Variants in MIGA1 observed in about 807,000 individuals in gnomAD.
MIGA1 encodes mitoguardin 1.
Under a neutral mutation model 82.0 loss-of-function variants are expected in MIGA1, and 58 were observed. The ratio of observed to expected loss-of-function variants is 0.71; its 90% CI spans 0.57 to 0.88. The LOEUF (loss-of-function observed/expected upper bound fraction) is 0.88. Ranked by LOEUF, MIGA1 falls within the 40% of genes least tolerant of loss-of-function variation. MIGA1 has a pLI of 0.00. For missense variants in MIGA1, 751 were observed against 749.1 expected, an observed-to-expected ratio of 1.00 and a Z score of -0.03; for synonymous variants, 249 against 253.6, an observed-to-expected ratio of 0.98 and a Z score of 0.17.
At position 77,780,157 on chromosome 1, in the gene MIGA1, G is replaced by C. The variant is rs111659940; in HGVS notation, c.81+421G>C. On this transcript the variant is annotated intron_variant, in intron 1 of 15. Coordinates refer to ENST00000370791, the MANE Select transcript of MIGA1 (RefSeq NM_198549.4). Reference sequence around the variant, plus strand: ...AAGACAGCAGAGGAGAGCTCCGCGAGGGGCTGCTGTGGGGTCGGGGGAGAG... The same window carrying C: ...AAGACAGCAGAGGAGAGCTCCGCGACGGGCTGCTGTGGGGTCGGGGGAGAG... The C allele has an allele frequency of 1.7e-5, 17 of 990,088 alleles. No homozygotes were observed. The African/African-American group carries it at 2.1e-4, about 12-fold the overall frequency. 61.3% of individuals were successfully genotyped at this position (990,088 alleles called of 1,614,324 possible).
chr1:77,797,626 T>A (rs1222774922), intron 2 of MIGA1, among the ~76,000 whole-genome samples: 2 of 152,190 alleles, frequency 1.3e-5, no homozygotes, highest in Non-Finnish European at 2.9e-5. Flanking sequence ...TCCTTTTATC[T>A]TCTTTGATAT....
intron 14 of MIGA1, among the ~76,000 whole-genome samples, chr1:77,867,903 C>G (rs1287967906): frequency 1.4e-5 from 2 of 138,374 alleles, no homozygotes; most frequent in Non-Finnish European, 3.2e-5. Context: ...TTCCAGAGAC[C>G]CATATTTTAA....
At chr1:77,839,840 T>C (rs1432806065) in intron 7 of MIGA1, among the ~76,000 whole-genome samples, 2 of 152,130 alleles carry the variant, frequency 1.3e-5, no homozygotes, top group Non-Finnish European at 2.9e-5. Context: ...CCTCCCAGAC[T>C]CAAGTGATCC....
rs779717577 is a variant in MIGA1 at position 77,843,289 on chromosome 1, T to G, written c.896-18T>G. On this transcript the variant is annotated intron_variant, in intron 7 of 15. Coordinates refer to ENST00000370791, the MANE Select transcript of MIGA1 (RefSeq NM_198549.4). Reference sequence around the variant, plus strand: ...TGTGGAATATCACTTTCTGAACTTTTCACCTTTTACTTTTAAGATAAAGAT... The same window carrying G: ...TGTGGAATATCACTTTCTGAACTTTGCACCTTTTACTTTTAAGATAAAGAT... 6.4e-7 allele frequency: 1 copy of G among 1,570,774 alleles called. No homozygotes were observed. The highest frequency in any genetic ancestry group is 1.1e-5 in the South Asian group (1 of 89,982).
intron 5 of MIGA1, among the ~76,000 whole-genome samples, chr1:77,810,616 A>G (rs1683287238): frequency 6.6e-6 from 1 of 151,382 alleles, no homozygotes; most frequent in Admixed American, 6.6e-5. Context: ...TAATTGCACA[A>G]TTAATAGAAA....
chr1:77,872,126 C>A (rs1426352232), intron 14 of MIGA1, among the ~76,000 whole-genome samples: 1 of 152,122 alleles, frequency 6.6e-6, no homozygotes, highest in Non-Finnish European at 1.5e-5. Flanking sequence ...CACCACCATG[C>A]CTGGCTAACT....
chr1:77,853,105 T>C (rs909472811), intron 8 of MIGA1, among the ~76,000 whole-genome samples: 5 of 152,082 alleles, frequency 3.3e-5, no homozygotes, highest in African/African-American at 1.2e-4. Context: ...GCCTTGAGAG[T>C]TACTTCTAGA....
intron 8 of MIGA1, among the ~76,000 whole-genome samples, chr1:77,857,759 C>G (rs1435121051): frequency 3.4e-5 from 4 of 119,250 alleles, no homozygotes; most frequent in African/African-American, 1.2e-4. Context: ...GCTGGCTACT[C>G]TACAGTGTTT....
chr1:77,845,947 C>CT (rs374614188), intron 8 of MIGA1, among the ~76,000 whole-genome samples: 12,977 of 128,586 alleles, frequency 0.1, 874 homozygotes, highest in African/African-American at 0.21. Flanking sequence ...GGATGAAAAG[C>CT]TTTTTTTTTT....
intron 2 of MIGA1, among the ~76,000 whole-genome samples, chr1:77,785,130 A>G (rs991388752): frequency 3.3e-5 from 5 of 152,318 alleles, no homozygotes; most frequent in Middle Eastern, 3.4e-3. Flanking sequence ...TCATTTCAGC[A>G]TTAACTCAAA....
intron 7 of MIGA1, among the ~76,000 whole-genome samples, chr1:77,834,986 A>G (rs552857795): frequency 6.6e-6 from 1 of 152,346 alleles, no homozygotes; most frequent in Admixed American, 6.5e-5. Context: ...CCTGGATTTT[A>G]AAAGAAGAGT....
intron 8 of MIGA1, among the ~76,000 whole-genome samples, chr1:77,846,944 AAAAAT>A (rs1399970447): frequency 7.2e-5 from 11 of 152,102 alleles, no homozygotes; most frequent in Non-Finnish European, 1.3e-4. Context: ...GACTGTCTCA[AAAAAT>A]AAAATAAAAT....
chr1:77,833,169 A>G (rs1481402836), intron 7 of MIGA1, among the ~76,000 whole-genome samples: 1 of 152,176 alleles, frequency 6.6e-6, no homozygotes, highest in Non-Finnish European at 1.5e-5. Flanking sequence ...GTCCTCTCCC[A>G]TTCCTGCAGA....
At chr1:77,785,699 C>T (rs193042645) in intron 2 of MIGA1, among the ~76,000 whole-genome samples, 42 of 152,320 alleles carry the variant, frequency 2.8e-4, no homozygotes, top group Middle Eastern at 3.4e-3. Context: ...TGTCTCACAT[C>T]CAGGTCATGC....
intron 3 of MIGA1, among the ~76,000 whole-genome samples, chr1:77,802,632 T>G (rs1055360196): frequency 6.6e-6 from 1 of 151,498 alleles, no homozygotes; most frequent in African/African-American, 2.4e-5. Flanking sequence ...AAAAAAATTG[T>G]TTTTTTTGGT....
chr1:77,864,321 C>T (rs1457437037), intron 13 of MIGA1, among the ~76,000 whole-genome samples: 1 of 149,994 alleles, frequency 6.7e-6, no homozygotes, highest in Non-Finnish European at 1.5e-5. Flanking sequence ...TGAGATTGAG[C>T]CATTGCATTC....
At chr1:77,823,023 A>G (rs1050640654) in intron 7 of MIGA1, among the ~76,000 whole-genome samples, 2 of 151,772 alleles carry the variant, frequency 1.3e-5, no homozygotes, top group Non-Finnish European at 2.9e-5. Context: ...TTGTATTTTT[A>G]GTAGAGACGG....
rs1359495245 is a variant in MIGA1 at position 77,807,203 on chromosome 1, C to G, written c.637+102C>G. The G allele has an allele frequency of 4.3e-6, 4 of 934,118 alleles. No homozygotes were observed. In the African/African-American group the frequency reaches 5.0e-5, roughly 12 times the overall value. 57.9% of individuals were successfully genotyped at this position (934,118 alleles called of 1,614,324 possible). On this transcript the variant is annotated intron_variant, in intron 5 of 15. Transcript: ENST00000370791. ...GACAGACAGGGTCTCACTCTGTCAC[C>G]CAGGCTGGAGTACGGTGGCGCGATT...
intron 2 of MIGA1, among the ~76,000 whole-genome samples, chr1:77,789,201 CTTT>C (rs148055304): frequency 9.2e-6 from 1 of 108,858 alleles, no homozygotes; most frequent in South Asian, 3.2e-4. Context: ...GGGGCGGTTG[CTTT>C]TTTTTTTTTT....
Sources: gnomAD v4.1 joint callset for allele counts (sites outside exome capture counted in the v4.1 genomes callset) on GRCh38, gnomAD v4.1.1 for gene constraint, MANE v1.5 for transcripts, NCBI Gene and HGNC (gene_info 2026-07-23, HGNC 2026-07-21) for gene names.